MAGI2: variants seen among roughly 807,000 people sequenced by gnomAD.
MAGI2 encodes membrane-associated guanylate kinase, WW and PDZ domain-containing protein 2.
A neutral mutation model predicts 133.3 loss-of-function variants in MAGI2; 35 were observed. The observed-to-expected ratio is 0.26, with a 90% CI of 0.20 to 0.35. The LOEUF (loss-of-function observed/expected upper bound fraction) is 0.35, where lower values mean the gene tolerates loss of function less well. Among genes scored for constraint, MAGI2 ranks in the 10% least tolerant of loss-of-function variants. The pLI, the probability that MAGI2 is intolerant of heterozygous loss-of-function variation, is 1.00. For missense variants in MAGI2, 1,636 were observed against 1,863.4 expected (o/e 0.88, Z 2.25); for synonymous variants, 729 against 710.6 (o/e 1.03, Z -0.41).
chr7:79,098,230 G>T (rs1258632324), intron 1 of MAGI2, among the ~76,000 whole-genome samples: 9 of 152,152 alleles, frequency 5.9e-5, no homozygotes, highest in Non-Finnish European at 1.3e-4. Context: ...ACCACACGTT[G>T]GGAGGACTTT....
At chr7:78,518,769 G>A (rs1487135437) in intron 4 of MAGI2, 7 of 152,116 alleles carry the variant, frequency 4.6e-5, no homozygotes, top group African/African-American at 1.7e-4. Flanking sequence ...GTCTCACTCT[G>A]TTGCCCAGGC....
At chr7:78,421,746 G>A (rs965208921) in intron 6 of MAGI2, among the ~76,000 whole-genome samples, 1 of 152,146 alleles carries the variant, frequency 6.6e-6, no homozygotes, top group African/African-American at 2.4e-5. Context: ...TGAGGCTGCA[G>A]TGGGCCGTGA....
intron 20 of MAGI2, among the ~76,000 whole-genome samples, chr7:78,113,536 G>A (rs2150474957): frequency 6.6e-6 from 1 of 152,218 alleles, no homozygotes; most frequent in East Asian, 1.9e-4. Context: ...GTTTAGATAT[G>A]TTAAGATATA....
At chr7:79,418,865 ACACG>A (rs1389862970) in intron 1 of MAGI2, among the ~76,000 whole-genome samples, 30 of 84,898 alleles carry the variant, frequency 3.5e-4, no homozygotes, top group African/African-American at 2.4e-3. Context: ...ACACACACAC[ACACG>A]CACACACACA....
intron 3 of MAGI2, among the ~76,000 whole-genome samples, chr7:78,545,813 T>C (rs898900876): frequency 1.3e-5 from 2 of 152,200 alleles, no homozygotes; most frequent in African/African-American, 4.8e-5. Flanking sequence ...TTATTTAAAA[T>C]TTGGATTATG....
chr7:79,190,440 T>A (rs1328508470), intron 1 of MAGI2, among the ~76,000 whole-genome samples: 1 of 151,918 alleles, frequency 6.6e-6, no homozygotes, highest in Non-Finnish European at 1.5e-5. Context: ...AAGTGTCTGT[T>A]CCTATCTTAC....
intron 2 of MAGI2, among the ~76,000 whole-genome samples, chr7:78,871,333 T>A (rs543378332): frequency 6.6e-6 from 1 of 151,270 alleles, no homozygotes; most frequent in Non-Finnish European, 1.5e-5. Context: ...TAATAATAAT[T>A]TAATGGACTT....
At chr7:78,939,358 G>A (rs549965168) in intron 2 of MAGI2, among the ~76,000 whole-genome samples, 5 of 152,270 alleles carry the variant, frequency 3.3e-5, no homozygotes, top group Non-Finnish European at 5.9e-5. Context: ...ATTTGAGATT[G>A]GCTTTGAAAT....
chr7:78,634,756 A>G (rs1313952433), intron 2 of MAGI2, among the ~76,000 whole-genome samples: 1 of 152,174 alleles, frequency 6.6e-6, no homozygotes, highest in Non-Finnish European at 1.5e-5. Context: ...CTAGCACTAG[A>G]AATAGGGTGG....
At chr7:78,092,445 A>G (rs1817298436) in intron 20 of MAGI2, among the ~76,000 whole-genome samples, 1 of 152,202 alleles carries the variant, frequency 6.6e-6, no homozygotes, top group Admixed American at 6.5e-5. Flanking sequence ...AAATTTTACA[A>G]CTAGGAATGT....
chr7:78,471,040 A>G (rs10235821), intron 6 of MAGI2, among the ~76,000 whole-genome samples: 24,967 of 152,092 alleles, frequency 0.16, 2,129 homozygotes, highest in South Asian at 0.24. Flanking sequence ...AAACATTTAT[A>G]TTGTTTTATG....
intron 5 of MAGI2, among the ~76,000 whole-genome samples, chr7:78,501,110 A>C (rs1794582195): frequency 6.6e-6 from 1 of 152,188 alleles, no homozygotes. Flanking sequence ...CCAACCAAAC[A>C]AACAACATCA....
At chr7:78,474,632 A>T (rs918533619) in intron 6 of MAGI2, among the ~76,000 whole-genome samples, 8 of 151,932 alleles carry the variant, frequency 5.3e-5, no homozygotes, top group Admixed American at 2.6e-4. Context: ...TACAAAATAA[A>T]GTTTCCAGTA....
chr7:79,312,051 A>G (rs1341391651), intron 1 of MAGI2, among the ~76,000 whole-genome samples: 1 of 152,166 alleles, frequency 6.6e-6, no homozygotes. Context: ...AATACACATT[A>G]AGGTCATGTC....
chr7:78,310,248 A>G (rs1317393125), intron 9 of MAGI2, among the ~76,000 whole-genome samples: 2 of 152,084 alleles, frequency 1.3e-5, no homozygotes, highest in Non-Finnish European at 2.9e-5. Context: ...CATCCTGGCC[A>G]ACATGGTGAA....
At chr7:78,365,285 G>A (rs1213378196) in intron 7 of MAGI2, among the ~76,000 whole-genome samples, 1 of 152,132 alleles carries the variant, frequency 6.6e-6, no homozygotes, top group East Asian at 1.9e-4. Context: ...GCTGTAGAAC[G>A]GTACGACAGG....
chr7:79,443,014 G>A (rs1163320151), intron 1 of MAGI2, among the ~76,000 whole-genome samples: 3 of 152,088 alleles, frequency 2.0e-5, no homozygotes, highest in East Asian at 3.9e-4. Flanking sequence ...ACTCACGCCT[G>A]TAATCCCAGC....
chr7:78,336,702 G>T (rs1376121790), intron 9 of MAGI2, among the ~76,000 whole-genome samples: 1 of 151,972 alleles, frequency 6.6e-6, no homozygotes, highest in Non-Finnish European at 1.5e-5. Context: ...TCCAGCCTGG[G>T]TGACAGAATG....
intron 9 of MAGI2, among the ~76,000 whole-genome samples, chr7:78,293,937 G>C (rs372374325): frequency 5.2e-4 from 79 of 152,290 alleles, no homozygotes; most frequent in African/African-American, 1.8e-3. Context: ...GCCTGTCATG[G>C]TGTTGGGGGA....
Sources: gnomAD v4.1 joint callset for allele counts (sites outside exome capture counted in the v4.1 genomes callset) on GRCh38, gnomAD v4.1.1 for gene constraint, MANE v1.5 for transcripts, NCBI Gene and HGNC (gene_info 2026-07-23, HGNC 2026-07-21) for gene names.